The following MALRD1 variants were observed in gnomAD, a reference collection of about 807,000 sequenced individuals.
The protein encoded by MALRD1 is MAM and LDL receptor class A domain containing 1.
Under a neutral mutation model 242.1 loss-of-function variants are expected in MALRD1, and 247 were observed. That is an observed-to-expected ratio of 1.02 (90% CI 0.92 to 1.13). MALRD1 has a LOEUF of 1.13. Among genes scored for constraint, MALRD1 ranks in the 50% most tolerant of loss-of-function variants. MALRD1 has a pLI of 0.00. For missense variants in MALRD1, 2,989 were observed against 2,533.1 expected, an observed-to-expected ratio of 1.18 and a Z score of -3.86; for synonymous variants, 995 against 866.6, an observed-to-expected ratio of 1.15 and a Z score of -2.60.
At chr10:19,334,119 GT>G (rs56931838) in intron 24 of MALRD1, among the ~76,000 whole-genome samples, 1,021 of 66,702 alleles carry the variant, frequency 0.015, 9 homozygotes, top group African/African-American at 0.046. Context: ...CTGTTGGTAG[GT>G]TTTTTTTTTT....
chr10:19,201,513 A>G (rs541066921), intron 14 of MALRD1, among the ~76,000 whole-genome samples: 2 of 152,186 alleles, frequency 1.3e-5, no homozygotes, highest in Non-Finnish European at 2.9e-5. Context: ...ATTAATAATA[A>G]CCTGCTTTCT....
intron 1 of MALRD1, among the ~76,000 whole-genome samples, chr10:19,064,563 TAACAA>T (rs1312388237): frequency 6.6e-6 from 1 of 151,946 alleles, no homozygotes; most frequent in East Asian, 1.9e-4. Flanking sequence ...ATTCATTTTA[TAACAA>T]AAAGAACCCC....
chr10:19,193,854 A>T (rs1218868452), intron 14 of MALRD1, among the ~76,000 whole-genome samples: 1 of 151,586 alleles, frequency 6.6e-6, no homozygotes, highest in African/African-American at 2.4e-5. Context: ...ATATATATAT[A>T]TACACACACA....
At chr10:19,476,930 T>TA (rs11445142) in intron 29 of MALRD1, among the ~76,000 whole-genome samples, 130,556 of 151,736 alleles carry the variant, frequency 0.86, 56,320 homozygotes, top group East Asian at 1. Context: ...TTTGTCAAAT[T>TA]AAAAAAAATA....
At position 19,446,313 on chromosome 10, in the gene MALRD1, G is replaced by C. The variant is rs75265004; in HGVS notation, c.4846-3994G>C. Among the ~76,000 whole-genome samples, 999 of 152,148 alleles carry C rather than the reference G, an allele frequency of 6.6e-3. 13 individuals are homozygous for C. The highest frequency in any genetic ancestry group is 0.024 in the Admixed American group (366 of 15,252). The stretch of plus-strand genomic sequence containing the variant: ...ACTGTCCAACAAGCCCCAGTGAGTT[G>C]AACCCAGTACCTCAGTTGGAAATGC... On this transcript the variant is annotated intron_variant, in intron 28 of 39. Coordinates refer to ENST00000454679, the MANE Select transcript of MALRD1 (RefSeq NM_001142308.3).
In MALRD1 at chr10:19,654,857, C is replaced by T. The variant is rs574669732; in HGVS notation, c.6138-37425C>T. Reference sequence around the variant, plus strand: ...CACATCTGTGTGTGCTGGGGCTGGACGCTTACATATTTATGGACTGTTTCA... The same window carrying T: ...CACATCTGTGTGTGCTGGGGCTGGATGCTTACATATTTATGGACTGTTTCA... On this transcript the variant is annotated intron_variant, in intron 36 of 39. Transcript: ENST00000454679. Among the ~76,000 whole-genome samples the T allele has an allele frequency of 3.1e-4, 47 of 152,176 alleles. No homozygotes were observed. The South Asian group carries it at 7.3e-3, about 24-fold the overall frequency.
intron 28 of MALRD1, among the ~76,000 whole-genome samples, chr10:19,410,755 G>A (rs914371378): frequency 1.3e-4 from 20 of 151,014 alleles, no homozygotes; most frequent in Admixed American, 1.2e-3. Flanking sequence ...ATGTTGCAAG[G>A]TAGTAGCAAA....
rs1212897786 is a variant in MALRD1 at position 19,171,963 on chromosome 10, CAT to C, written c.1831-3240_1831-3239del. 8.7e-5 allele frequency among the ~76,000 whole-genome samples: 4 copies of C among 46,080 alleles called. 1 individual carries two copies. Among genetic ancestry groups the C allele is most frequent in the Admixed American group, 4.1e-4 (2 of 4,904 alleles). The allele number at this position is 46,080 out of a possible 152,430, so 30.2% of individuals were successfully genotyped here. On this transcript the variant is annotated intron_variant, in intron 13 of 39. Coordinates refer to ENST00000454679, the MANE Select transcript of MALRD1 (RefSeq NM_001142308.3). ...TATCATATAATATATGTATATATCA[CAT>C]ATATGTGATATATATCATATAATAT...
intron 32 of MALRD1, among the ~76,000 whole-genome samples, chr10:19,545,956 T>G (rs896723702): frequency 6.6e-6 from 1 of 152,176 alleles, no homozygotes; most frequent in Non-Finnish European, 1.5e-5. Context: ...CCAAGAACTG[T>G]GAATGCTTCC....
At chr10:19,414,733 C>T (rs1248202189) in intron 28 of MALRD1, among the ~76,000 whole-genome samples, 9 of 151,896 alleles carry the variant, frequency 5.9e-5, no homozygotes, top group African/African-American at 1.9e-4. Flanking sequence ...GCACTGTAGT[C>T]GGCATCGTCT....
chr10:19,163,095 G>C (rs1834504342), intron 12 of MALRD1, among the ~76,000 whole-genome samples: 1 of 118,806 alleles, frequency 8.4e-6, no homozygotes, highest in Non-Finnish European at 1.6e-5. Flanking sequence ...CCGTGATCAT[G>C]CCACTGCACT....
chr10:19,653,990 T>C (rs1357852155), intron 36 of MALRD1, among the ~76,000 whole-genome samples: 1 of 152,216 alleles, frequency 6.6e-6, no homozygotes, highest in Non-Finnish European at 1.5e-5. Context: ...AATTAAACTC[T>C]TTGTTAACAA....
chr10:19,248,601 GC>G (rs1291086765), intron 18 of MALRD1, among the ~76,000 whole-genome samples: 1 of 151,818 alleles, frequency 6.6e-6, no homozygotes, highest in Non-Finnish European at 1.5e-5. Flanking sequence ...AAAGCAAGAA[GC>G]CTAGTAAAAG....
intron 31 of MALRD1, among the ~76,000 whole-genome samples, chr10:19,530,341 TATATAAATATATAA>T (rs1393606812): frequency 7.6e-6 from 1 of 131,352 alleles, no homozygotes; most frequent in Non-Finnish European, 1.6e-5. Context: ...ATATAATATT[TATATAAATATATAA>T]TATTTATATA....
chr10:19,722,996 C>A (rs575120724), intron 38 of MALRD1, among the ~76,000 whole-genome samples: 10 of 152,140 alleles, frequency 6.6e-5, no homozygotes, highest in Non-Finnish European at 2.9e-5. Flanking sequence ...GGGTGAATGT[C>A]AATAAGTAAG....
intron 38 of MALRD1, among the ~76,000 whole-genome samples, chr10:19,716,396 A>G (rs1412266178): frequency 2.6e-5 from 4 of 151,978 alleles, no homozygotes; most frequent in African/African-American, 9.7e-5. Context: ...GTTGTTTAAA[A>G]CTGTGTGGCA....
intron 36 of MALRD1, among the ~76,000 whole-genome samples, chr10:19,647,898 G>A (rs1425107686): frequency 6.6e-6 from 1 of 152,180 alleles, no homozygotes; most frequent in Non-Finnish European, 1.5e-5. Context: ...CCACACAGCA[G>A]TCCCTGTGAG....
intron 30 of MALRD1, chr10:19,493,186 A>C (rs1375477630): frequency 1.3e-5 from 2 of 152,060 alleles, no homozygotes; most frequent in African/African-American, 2.4e-5. Flanking sequence ...GACCATGGTA[A>C]CCACCCTTCT....
chr10:19,349,392 A>C (rs1426381754), intron 25 of MALRD1, among the ~76,000 whole-genome samples: 2 of 152,170 alleles, frequency 1.3e-5, no homozygotes, highest in Non-Finnish European at 2.9e-5. Flanking sequence ...ACTTTGTCTT[A>C]AGAGTTTTTC....
Sources: allele counts gnomAD v4.1 joint callset (sites outside exome capture counted in the v4.1 genomes callset), GRCh38; gene constraint gnomAD v4.1.1; transcripts MANE v1.5; gene names NCBI Gene and HGNC (gene_info 2026-07-23, HGNC 2026-07-21).